Variants in RBCK1 observed in about 807,000 individuals in gnomAD.
RBCK1 encodes the protein ranBP-type and C3HC4-type zinc finger-containing protein 1.
A neutral mutation model predicts 71.1 loss-of-function variants in RBCK1; 44 were observed. The observed-to-expected ratio is 0.62, with a 90% CI of 0.49 to 0.80. The LOEUF (loss-of-function observed/expected upper bound fraction) is 0.80, where lower values mean the gene tolerates loss of function less well. Among genes scored for constraint, RBCK1 ranks in the 30% least tolerant of loss-of-function variants. The probability of loss-of-function intolerance (pLI) is 0.00; values close to 1 mark genes in which losing one functional copy is unlikely to be tolerated. For synonymous variants in RBCK1, 306 were observed against 279.7 expected, an observed-to-expected ratio of 1.09 and a Z score of -0.94; for missense variants, 569 against 685.0, an observed-to-expected ratio of 0.83 and a Z score of 1.89.
chr20:424,821 G>C (rs116547788), intron 8 of RBCK1, among the ~76,000 whole-genome samples: 1 of 152,190 alleles, frequency 6.6e-6, no homozygotes, highest in Non-Finnish European at 1.5e-5. Context: ...TCAGAAAATG[G>C]TCAAGTGTGA....
Position 419,417 on chromosome 20 carries a change from C to A in RBCK1, c.531C>A (p.Val177=). The change falls in exon 5 of 12, where the codon GTC becomes GTA. Residue 177 remains valine, a synonymous_variant. Transcript: ENST00000356286. The part of the protein sequence containing the change: ...PLEPGPPKPG[V]PQEPGRGQPD... Reference sequence around the variant, plus strand: ...AGCCAGGCCCCCCAAAGCCCGGGGTCCCCCAGGAACCCGGACGGGGGCAGC... The same window carrying A: ...AGCCAGGCCCCCCAAAGCCCGGGGTACCCCAGGAACCCGGACGGGGGCAGC... The A allele has an allele frequency of 3.1e-6, 5 of 1,609,468 alleles. No homozygotes were observed. Among genetic ancestry groups the A allele is most frequent in the Non-Finnish European group, 4.2e-6 (5 of 1,178,312 alleles).
intron 2 of RBCK1, among the ~76,000 whole-genome samples, chr20:414,145 C>T (rs543628186): frequency 3.9e-5 from 6 of 151,906 alleles, no homozygotes; most frequent in South Asian, 4.2e-4. Context: ...TATAAACTCA[C>T]GCTGGGCATG....
intron 9 of RBCK1, 72 bp downstream of exon 9, chr20:427,564 G>T: frequency 1.3e-6 from 2 of 1,523,826 alleles, no homozygotes; most frequent in South Asian, 1.2e-5. Flanking sequence ...TGCAGTGCGT[G>T]TTCTCCTGGG....
Position 408,784 on chromosome 20 carries a change from G to A in RBCK1, c.22+5G>A. The A allele has an allele frequency of 6.2e-7, 1 of 1,610,506 alleles. No homozygotes were observed. The highest frequency in any genetic ancestry group is 1.7e-5 in the Admixed American group (1 of 59,566). ...TGGACGAGAAGACCAAGAAAGGTGGGCACAGGCTGGAGGTGGCTGGGGAAC... is the reference window on the plus strand; with the variant it reads ...TGGACGAGAAGACCAAGAAAGGTGGACACAGGCTGGAGGTGGCTGGGGAAC... On this transcript the variant is annotated splice_donor_5th_base_variant and intron_variant, in intron 1 of 11. Coordinates refer to ENST00000356286, the MANE Select transcript of RBCK1 (RefSeq NM_031229.4).
Position 420,987 on chromosome 20 carries a change from C to G in RBCK1, c.873C>G (p.Pro291=). The G allele has an allele frequency of 6.4e-7, 1 of 1,564,556 alleles. No individual in the cohort carries two copies. The highest frequency in any genetic ancestry group is 2.4e-5 in the East Asian group (1 of 41,964). ...CCGTGTGCTACTCGGTGCTGGCGCC[C>G]GGCGAGGCCGTGGTGCTGCGTGAGT... ...ECPVCYSVLA[P]GEAVVLRECL... Residue 291 remains proline (P), a synonymous_variant, in exon 7 of 12, where the codon CCC becomes CCG. Transcript: ENST00000356286.
intron 2 of RBCK1, chr20:410,632 C>T (rs975634518): frequency 4.2e-5 from 32 of 758,520 alleles, no homozygotes; most frequent in Admixed American, 1.6e-4. Context: ...TTCAGGGGTT[C>T]GCTTGGTAAG....
chr20:419,495 T>G, intron 5 of RBCK1, 27 bp downstream of exon 5: 2 of 1,603,194 alleles, frequency 1.2e-6, no homozygotes, highest in Non-Finnish European at 1.7e-6. Context: ...CTCAGTATCC[T>G]CTTCTGTGCC....
chr20:420,487 C>CGGGCCCTGCCCT (rs2016324040), intron 6 of RBCK1: 3 of 984,434 alleles, frequency 3.0e-6, no homozygotes, highest in Non-Finnish European at 3.6e-6. Context: ...AGCCCTGGCC[C>CGGGCCCTGCCCT]GGGCCCTGCC....
At position 430,321 on chromosome 20, in the gene RBCK1, C is replaced by T. The variant is rs754317998; in HGVS notation, c.1453-29C>T. 8 of 1,568,030 alleles carry T rather than the reference C, an allele frequency of 5.1e-6. No individual in the cohort carries two copies. In the Admixed American group the frequency reaches 1.2e-4, roughly 23 times the overall value. On this transcript the variant is annotated intron_variant, in intron 11 of 11. Coordinates refer to ENST00000356286, the MANE Select transcript of RBCK1 (RefSeq NM_031229.4). This position sits in a 1 kb window ranked among gnomAD's most constrained non-coding sequence, Gnocchi z 5.6. Reference sequence around the variant, plus strand: ...GGGGGCAGTCTCTGCACTGCGCTGACATTCTCTTCTCTTCCTCCCATCCTC... The same window carrying T: ...GGGGGCAGTCTCTGCACTGCGCTGATATTCTCTTCTCTTCCTCCCATCCTC...
At position 417,643 on chromosome 20, in the gene RBCK1, C is replaced by A; in HGVS notation, c.261+24C>A. 1 of 1,609,906 alleles carries A rather than the reference C, an allele frequency of 6.2e-7. No individual in the cohort carries two copies. The highest frequency in any genetic ancestry group is 8.5e-7 in the Non-Finnish European group (1 of 1,176,550). ...TGGTGAGTGAGGAGGCGGAGGGCGACACTGGGGTGAAGGCTCTCCCTTTCA... is the reference window on the plus strand; with the variant it reads ...TGGTGAGTGAGGAGGCGGAGGGCGAAACTGGGGTGAAGGCTCTCCCTTTCA... On this transcript the variant is annotated intron_variant, in intron 3 of 11. Coordinates refer to ENST00000356286, the MANE Select transcript of RBCK1 (RefSeq NM_031229.4). The surrounding 1 kb of genome is among the most constrained non-coding windows in gnomAD (Gnocchi z 4.7).
At chr20:421,814 G>C in intron 7 of RBCK1, 1 of 342,758 alleles carries the variant, frequency 2.9e-6, no homozygotes, top group Non-Finnish European at 5.4e-6. Context: ...AGTCACTGGG[G>C]AGACATGGCT....
chr20:412,276 T>G (rs2015753987), intron 2 of RBCK1, among the ~76,000 whole-genome samples: 1 of 152,162 alleles, frequency 6.6e-6, no homozygotes, highest in South Asian at 2.1e-4. Context: ...ATATTTTCTT[T>G]GGAGGTTTGC....
intron 4 of RBCK1, among the ~76,000 whole-genome samples, chr20:419,071 G>A (rs541641346): frequency 3.3e-5 from 5 of 152,246 alleles, no homozygotes; most frequent in Non-Finnish European, 7.3e-5. Flanking sequence ...GGTGCTCTTG[G>A]GTCCCTCTTG....
intron 7 of RBCK1, among the ~76,000 whole-genome samples, chr20:421,429 G>C (rs774714482): frequency 6.6e-6 from 1 of 152,198 alleles, no homozygotes; most frequent in African/African-American, 2.4e-5. Flanking sequence ...GCGGACCCTT[G>C]TGGAGCCGCC....
At chr20:418,555 A>G (rs2016149868) in intron 4 of RBCK1, among the ~76,000 whole-genome samples, 1 of 152,052 alleles carries the variant, frequency 6.6e-6, no homozygotes, top group Non-Finnish European at 1.5e-5. Flanking sequence ...TTTTTAGTAG[A>G]GACGGGGTTT....
chr20:421,945 G>A (rs1440563682), intron 7 of RBCK1, 182 bp from the exon 8 acceptor site: 2 of 577,914 alleles, frequency 3.5e-6, no homozygotes, highest in Non-Finnish European at 6.2e-6. Context: ...GCAGTATGGA[G>A]GCAGGGTGGA....
chr20:430,575 C>T lies in RBCK1; in HGVS notation c.*145C>T. ...CTGCGGTTGTCCACGGTCACATCTG[C>T]CCCAGTGCCTTTGTCCTTCCCTTGG... On this transcript the variant is annotated 3_prime_UTR_variant, in exon 12 of 12. Coordinates refer to ENST00000356286, the MANE Select transcript of RBCK1 (RefSeq NM_031229.4). This position sits in a 1 kb window ranked among gnomAD's most constrained non-coding sequence, Gnocchi z 5.6. 1.3e-6 allele frequency: 1 copy of T among 771,186 alleles called. No homozygotes were observed. Among genetic ancestry groups the T allele is most frequent in the East Asian group, 2.7e-5 (1 of 37,314 alleles). 47.8% of individuals were successfully genotyped at this position (771,186 alleles called of 1,614,324 possible).
In RBCK1 at chr20:408,514, C is replaced by A; in HGVS notation, c.-244C>A. 1 of 595,996 alleles carries A rather than the reference C, an allele frequency of 1.7e-6. No homozygotes were observed. The allele number at this position is 595,996 out of a possible 1,614,324, so 36.9% of individuals were successfully genotyped here. On this transcript the variant is annotated 5_prime_UTR_variant, in exon 1 of 12. Coordinates refer to ENST00000356286, the MANE Select transcript of RBCK1 (RefSeq NM_031229.4). ...GTCCCGTTTCCTCCTGCGCCCAGTG[C>A]GGACCTGTCTCGGCGCCCGCTGCCC...
Position 429,108 on chromosome 20 carries a change from C to T in RBCK1, c.1452+14C>T, listed in dbSNP as rs1465505607. The T allele has an allele frequency of 7.5e-6, 12 of 1,605,370 alleles. No homozygotes were observed. The highest frequency in any genetic ancestry group is 2.2e-5 in the East Asian group (1 of 44,728). ...TGGGGCCCTGGGGTGAGTCTTTGCT[C>T]GTGGTGGTGTGGAGAGGGTGCCCTT... On this transcript the variant is annotated intron_variant, in intron 11 of 11. Transcript: ENST00000356286.
Sources: allele counts gnomAD v4.1 joint callset (sites outside exome capture counted in the v4.1 genomes callset), GRCh38; gene constraint gnomAD v4.1.1; non-coding constraint Gnocchi (gnomAD v3.1); transcripts MANE v1.5; gene names NCBI Gene and HGNC (gene_info 2026-07-23, HGNC 2026-07-21).